The following ZNF385D variants were observed in gnomAD, a reference collection of about 807,000 sequenced individuals.
ZNF385D encodes the protein zinc finger protein 659.
A neutral mutation model predicts 35.8 loss-of-function variants in ZNF385D; 15 were observed. The observed-to-expected ratio is 0.42, with a 90% CI of 0.28 to 0.64. The LOEUF (loss-of-function observed/expected upper bound fraction) is 0.64. Ranked by LOEUF, ZNF385D falls within the 30% of genes least tolerant of loss-of-function variation. The pLI, the probability that ZNF385D is intolerant of heterozygous loss-of-function variation, is 0.23. For missense variants in ZNF385D, 474 were observed against 494.6 expected, an observed-to-expected ratio of 0.96 and a Z score of 0.39; for synonymous variants, 212 against 186.8, an observed-to-expected ratio of 1.13 and a Z score of -1.10.
At chr3:22,304,436 G>A (rs1319838895) in intron 2 of ZNF385D, among the ~76,000 whole-genome samples, 2 of 152,108 alleles carry the variant, frequency 1.3e-5, no homozygotes, top group Admixed American at 6.6e-5. Context: ...TCAATGCTGT[G>A]TGAAAATTGT....
intron 2 of ZNF385D, among the ~76,000 whole-genome samples, chr3:22,190,003 T>C (rs887747141): frequency 6.6e-6 from 1 of 152,144 alleles, no homozygotes; most frequent in African/African-American, 2.4e-5. Context: ...ACTTTTGCCC[T>C]GATGTGTTTG....
At chr3:22,143,931 G>T (rs1012726348) in intron 3 of ZNF385D, among the ~76,000 whole-genome samples, 2 of 152,048 alleles carry the variant, frequency 1.3e-5, no homozygotes, top group African/African-American at 2.4e-5. Flanking sequence ...CTTTCCAGAA[G>T]AATTTTTAAA....
chr3:22,085,745 C>T (rs777904118), intron 3 of ZNF385D, among the ~76,000 whole-genome samples: 6 of 152,040 alleles, frequency 3.9e-5, no homozygotes, highest in Non-Finnish European at 7.4e-5. Context: ...GGCAGAGACA[C>T]AATAAAAAAA....
At chr3:22,110,644 G>T (rs1273757851) in intron 3 of ZNF385D, among the ~76,000 whole-genome samples, 2 of 151,846 alleles carry the variant, frequency 1.3e-5, no homozygotes, top group African/African-American at 2.4e-5. Context: ...GTTGTGGGGT[G>T]GGGGGAGTGG....
intron 2 of ZNF385D, among the ~76,000 whole-genome samples, chr3:22,171,808 T>C (rs809047): frequency 7.4e-6 from 1 of 135,962 alleles, no homozygotes; most frequent in Admixed American, 8.5e-5. Context: ...ACCCGGGAGG[T>C]AGAGCTTGCA....
chr3:21,788,602 T>A (rs9820739), intron 3 of ZNF385D, among the ~76,000 whole-genome samples: 35,911 of 152,178 alleles, frequency 0.24, 4,316 homozygotes, highest in East Asian at 0.4. Context: ...TGTTAGGCCA[T>A]CAGTAAGAAA....
At chr3:21,702,578 A>C (rs918857874) in intron 1 of ZNF385D, among the ~76,000 whole-genome samples, 2 of 152,182 alleles carry the variant, frequency 1.3e-5, no homozygotes, top group Non-Finnish European at 2.9e-5. Flanking sequence ...TGAATTTCTC[A>C]TCAAAAAATG....
chr3:22,195,343 G>A (rs996412943), intron 2 of ZNF385D, among the ~76,000 whole-genome samples: 1 of 151,866 alleles, frequency 6.6e-6, no homozygotes, highest in Non-Finnish European at 1.5e-5. Context: ...GTTGACTGGA[G>A]TTTTGAGATT....
intron 3 of ZNF385D, among the ~76,000 whole-genome samples, chr3:21,984,322 C>T (rs1694683281): frequency 7.2e-6 from 1 of 138,036 alleles, no homozygotes; most frequent in Non-Finnish European, 1.5e-5. Context: ...ATCTTTAATC[C>T]ATCTTGAATT....
intron 3 of ZNF385D, among the ~76,000 whole-genome samples, chr3:21,887,095 T>C (rs899632476): frequency 2.6e-5 from 4 of 152,154 alleles, no homozygotes; most frequent in African/African-American, 9.6e-5. Flanking sequence ...CACTAGGAGA[T>C]AAAAGGTCCC....
chr3:22,372,452 C>T, exon 2 of ZNF385D: 1 of 985,992 alleles, frequency 1.0e-6, no homozygotes, highest in East Asian at 1.1e-4. Flanking sequence ...CAACTTACCG[C>T]GGCTGGGCTG....
At chr3:21,434,808 G>A (rs1701470208) in intron 5 of ZNF385D, among the ~76,000 whole-genome samples, 1 of 152,096 alleles carries the variant, frequency 6.6e-6, no homozygotes, top group South Asian at 2.1e-4. Context: ...TCAGATGCAG[G>A]AGGGAAAATA....
intron 2 of ZNF385D, among the ~76,000 whole-genome samples, chr3:22,259,127 C>A (rs946855975): frequency 1.3e-5 from 2 of 151,820 alleles, no homozygotes; most frequent in Non-Finnish European, 2.9e-5. Flanking sequence ...TCTTGCACTA[C>A]TCTGTAACAT....
intron 3 of ZNF385D, among the ~76,000 whole-genome samples, chr3:21,952,189 A>C (rs1702098465): frequency 1.3e-5 from 2 of 151,966 alleles, no homozygotes; most frequent in Admixed American, 1.3e-4. Flanking sequence ...CATGGCTTAA[A>C]AATCCTGAAT....
At chr3:21,838,631 A>G (rs1444444118) in intron 3 of ZNF385D, among the ~76,000 whole-genome samples, 1 of 152,084 alleles carries the variant, frequency 6.6e-6, no homozygotes, top group East Asian at 1.9e-4. Flanking sequence ...ACGGTTTTTT[A>G]TGTTTAAAGG....
chr3:21,898,628 G>C (rs1699254869), intron 3 of ZNF385D, among the ~76,000 whole-genome samples: 1 of 152,098 alleles, frequency 6.6e-6, no homozygotes, highest in African/African-American at 2.4e-5. Context: ...GTGTCAGTTA[G>C]GAAGCATTAG....
At chr3:22,342,260 G>C (rs1379280826) in intron 2 of ZNF385D, among the ~76,000 whole-genome samples, 2 of 108,642 alleles carry the variant, frequency 1.8e-5, no homozygotes, top group Non-Finnish European at 3.3e-5. Flanking sequence ...CTGGGCGACA[G>C]AGCAAGACTC....
intron 3 of ZNF385D, among the ~76,000 whole-genome samples, chr3:21,962,558 CTTT>C (rs941100010): frequency 9.2e-5 from 14 of 152,128 alleles, no homozygotes; most frequent in African/African-American, 3.4e-4. Context: ...TAGTTTCCTT[CTTT>C]TTTAAGAACA....
chr3:21,947,565 T>C (rs2125290032), intron 3 of ZNF385D, among the ~76,000 whole-genome samples: 1 of 152,284 alleles, frequency 6.6e-6, no homozygotes, highest in East Asian at 1.9e-4. Context: ...TTGGCCAGTC[T>C]GGTCTCGAAC....
Sources: gnomAD v4.1 joint callset for allele counts (sites outside exome capture counted in the v4.1 genomes callset) on GRCh38, gnomAD v4.1.1 for gene constraint, MANE v1.5 for transcripts, NCBI Gene and HGNC (gene_info 2026-07-23, HGNC 2026-07-21) for gene names.